The following BLTP3A variants were observed in gnomAD, a reference collection of about 807,000 sequenced individuals.
BLTP3A encodes the protein ICBP90 binding protein 1.
At chr6:34,862,651 G>A in the BLTP3A span, among the ~76,000 whole-genome samples, 2 of 151,760 alleles carry the variant, frequency 1.3e-5, no homozygotes, top group Non-Finnish European at 2.9e-5. Flanking sequence ...TGGCTAACAC[G>A]GTGAAACCCT....
At chr6:34,806,871 GT>G in the BLTP3A span, among the ~76,000 whole-genome samples, 1 of 152,166 alleles carries the variant, frequency 6.6e-6, no homozygotes, top group Non-Finnish European at 1.5e-5. Flanking sequence ...TGTTGGCCAG[GT>G]TGGTTTCGAA....
the BLTP3A span, among the ~76,000 whole-genome samples, chr6:34,818,874 G>A: frequency 3.3e-5 from 5 of 152,108 alleles, no homozygotes; most frequent in African/African-American, 9.7e-5. Context: ...AAATTGCAAA[G>A]ATAAACTTTT....
At chr6:34,866,942 A>G in the BLTP3A span, among the ~76,000 whole-genome samples, 1 of 152,152 alleles carries the variant, frequency 6.6e-6, no homozygotes, top group Non-Finnish European at 1.5e-5. Flanking sequence ...ATAGTGTTCC[A>G]TTGTATTTAT....
chr6:34,835,717 T>C, the BLTP3A span, among the ~76,000 whole-genome samples: 1 of 152,222 alleles, frequency 6.6e-6, no homozygotes, highest in South Asian at 2.1e-4. Context: ...CTTGGGGCTC[T>C]CACTGTCTTG....
the BLTP3A span, chr6:34,871,053 T>A: frequency 6.2e-7 from 1 of 1,614,144 alleles, no homozygotes; most frequent in East Asian, 2.2e-5. Context: ...TCTTGGAGGA[T>A]GAGGAGATCC....
the BLTP3A span, among the ~76,000 whole-genome samples, chr6:34,794,996 C>T: frequency 6.6e-6 from 1 of 151,868 alleles, no homozygotes; most frequent in East Asian, 1.9e-4. Flanking sequence ...ACCATGTTGG[C>T]GAGGATGGTC....
chr6:34,812,113 G>A, the BLTP3A span, among the ~76,000 whole-genome samples: 2 of 152,028 alleles, frequency 1.3e-5, no homozygotes, highest in Non-Finnish European at 2.9e-5. Context: ...AGGATCACCT[G>A]AGGTCAGGAG....
the BLTP3A span, chr6:34,834,796 C>A: frequency 6.2e-7 from 1 of 1,614,002 alleles, no homozygotes; most frequent in Non-Finnish European, 8.5e-7. Flanking sequence ...TGATCAGGAC[C>A]CAGTCACCAC....
At chr6:34,841,352 A>T in the BLTP3A span, among the ~76,000 whole-genome samples, 1 of 152,210 alleles carries the variant, frequency 6.6e-6, no homozygotes, top group African/African-American at 2.4e-5. Context: ...TACAGGCGTG[A>T]GCCACTGTGC....
the BLTP3A span, chr6:34,834,355 GCA>G: frequency 6.2e-7 from 1 of 1,613,898 alleles, no homozygotes; most frequent in Non-Finnish European, 8.5e-7. Flanking sequence ...ACCCCAACTG[GCA>G]GCAGAGTGAC....
the BLTP3A span, chr6:34,867,352 C>G: frequency 6.2e-7 from 1 of 1,614,130 alleles, no homozygotes; most frequent in East Asian, 2.2e-5. Context: ...CAGTTTCACC[C>G]AGTGGAGAAG....
At chr6:34,803,783 C>A in the BLTP3A span, among the ~76,000 whole-genome samples, 2 of 151,570 alleles carry the variant, frequency 1.3e-5, no homozygotes, top group African/African-American at 2.4e-5. Context: ...TTGAAGAGTT[C>A]TAATATGTAG....
chr6:34,834,786 TGATCAG>T, the BLTP3A span: 1 of 1,614,202 alleles, frequency 6.2e-7, no homozygotes, highest in South Asian at 1.1e-5. Context: ...CAGACAATGG[TGATCAG>T]GACCCAGTCA....
chr6:34,840,292 G>A, the BLTP3A span, among the ~76,000 whole-genome samples: 2 of 151,656 alleles, frequency 1.3e-5, no homozygotes, highest in East Asian at 1.9e-4. Context: ...TGGCTCACGC[G>A]TGTAATCCCA....
the BLTP3A span, among the ~76,000 whole-genome samples, chr6:34,860,047 A>G: frequency 1.3e-5 from 2 of 152,138 alleles, no homozygotes; most frequent in African/African-American, 4.8e-5. Flanking sequence ...GGCCTCAGAC[A>G]TTTGTACCCC....
At chr6:34,811,744 G>A in the BLTP3A span, among the ~76,000 whole-genome samples, 13 of 148,786 alleles carry the variant, frequency 8.7e-5, no homozygotes, top group African/African-American at 3.2e-4. Flanking sequence ...CTGTAATCCT[G>A]CCCACTCGGG....
At chr6:34,820,889 C>T in the BLTP3A span, among the ~76,000 whole-genome samples, 21 of 147,504 alleles carry the variant, frequency 1.4e-4, no homozygotes, top group African/African-American at 2.0e-4. Flanking sequence ...TAGGCTCCAG[C>T]GATCCTCCTG....
At chr6:34,819,697 A>C in the BLTP3A span, among the ~76,000 whole-genome samples, 1 of 152,242 alleles carries the variant, frequency 6.6e-6, no homozygotes, top group African/African-American at 2.4e-5. Context: ...AGTTAGGGGA[A>C]GAAGGCCTCA....
chr6:34,816,759 C>T, the BLTP3A span, among the ~76,000 whole-genome samples: 1 of 152,196 alleles, frequency 6.6e-6, no homozygotes, highest in African/African-American at 2.4e-5. Flanking sequence ...GAATTCTCAG[C>T]TGGGGTAGAA....
Sources: allele counts gnomAD v4.1 joint callset (sites outside exome capture counted in the v4.1 genomes callset), GRCh38; gene constraint gnomAD v4.1.1; transcripts MANE v1.5; gene names NCBI Gene and HGNC (gene_info 2026-07-23, HGNC 2026-07-21).